ACOXL: variants seen among roughly 807,000 people sequenced by gnomAD.
The protein encoded by ACOXL is acyl-coenzyme A oxidase-like protein.
Under a neutral mutation model 71.9 loss-of-function variants are expected in ACOXL, and 70 were observed. The ratio of observed to expected loss-of-function variants is 0.97; its 90% CI spans 0.80 to 1.19. The LOEUF is 1.19. ACOXL is among the 50% of genes most tolerant of loss of function. The pLI, the probability that ACOXL is intolerant of heterozygous loss-of-function variation, is 0.00. For missense variants in ACOXL, 703 were observed against 736.3 expected (o/e 0.95, Z 0.52); for synonymous variants, 253 against 281.6 (o/e 0.90, Z 1.02).
chr2:111,097,574 AAGAT>A (rs1183889806), intron 17 of ACOXL, among the ~76,000 whole-genome samples: 1 of 152,242 alleles, frequency 6.6e-6, no homozygotes, highest in Non-Finnish European at 1.5e-5. Flanking sequence ...GTGAATGCAC[AAGAT>A]GAGCCTGGAG....
At chr2:111,059,653 C>T (rs2066708314) in intron 16 of ACOXL, among the ~76,000 whole-genome samples, 1 of 151,974 alleles carries the variant, frequency 6.6e-6, no homozygotes, top group Non-Finnish European at 1.5e-5. Context: ...AGCTAGGAAC[C>T]TCAAGACCCA....
At chr2:110,880,153 C>CAAAAAAAAAAAAA (rs56852121) in intron 10 of ACOXL, among the ~76,000 whole-genome samples, 26 of 84,692 alleles carry the variant, frequency 3.1e-4, no homozygotes, top group African/African-American at 5.4e-4. Context: ...CTGTCACAAA[C>CAAAAAAAAAAAAA]AAAAAAAAAA....
chr2:110,870,910 G>A (rs2149038835), intron 10 of ACOXL, among the ~76,000 whole-genome samples: 1 of 152,262 alleles, frequency 6.6e-6, no homozygotes. Context: ...GGTCAAAGTA[G>A]TGGGCAGAAT....
intron 14 of ACOXL, among the ~76,000 whole-genome samples, chr2:111,020,627 T>C (rs548450576): frequency 6.6e-6 from 1 of 152,234 alleles, no homozygotes; most frequent in Non-Finnish European, 1.5e-5. Flanking sequence ...ATACATTTAC[T>C]GAGACCCTCC....
chr2:110,975,316 A>G (rs1376398955), intron 12 of ACOXL, among the ~76,000 whole-genome samples: 1 of 152,204 alleles, frequency 6.6e-6, no homozygotes, highest in African/African-American at 2.4e-5. Flanking sequence ...GACTAGTACA[A>G]TAAATGTCTG....
At chr2:110,925,329 A>C (rs775500743) in intron 11 of ACOXL, among the ~76,000 whole-genome samples, 9 of 152,248 alleles carry the variant, frequency 5.9e-5, no homozygotes, top group Non-Finnish European at 8.8e-5. Flanking sequence ...TGAAAGTCCT[A>C]GATGAAACCA....
intron 16 of ACOXL, among the ~76,000 whole-genome samples, chr2:111,065,305 A>T (rs2067012419): frequency 6.6e-6 from 1 of 152,232 alleles, no homozygotes; most frequent in African/African-American, 2.4e-5. Flanking sequence ...CATAGGCAAA[A>T]TAAGAAAAAT....
At position 110,950,739 on chromosome 2, in the gene ACOXL, T is replaced by TA. The variant is rs1236880181; in HGVS notation, c.1059+17101dup. 2.0e-5 allele frequency among the ~76,000 whole-genome samples: 3 copies of TA among 148,010 alleles called. No homozygotes were observed. In the Admixed American group the frequency reaches 2.0e-4, roughly 10 times the overall value. The stretch of plus-strand genomic sequence containing the variant: ...TAGTTAAGATTATTTTGGATGCAAA[T>TA]AAAAGAGATCAATTATAAACTTTCT... On this transcript the variant is annotated intron_variant, in intron 12 of 17. Coordinates refer to ENST00000439055, the MANE Select transcript of ACOXL (RefSeq NM_001142807.4).
At chr2:110,872,381 G>T (rs2149046167) in intron 10 of ACOXL, among the ~76,000 whole-genome samples, 1 of 152,328 alleles carries the variant, frequency 6.6e-6, no homozygotes, top group South Asian at 2.1e-4. Flanking sequence ...ACCACCTTCA[G>T]TTTGTAGCGG....
At chr2:110,934,694 G>A (rs1050219056) in intron 12 of ACOXL, among the ~76,000 whole-genome samples, 4 of 152,168 alleles carry the variant, frequency 2.6e-5, no homozygotes, top group African/African-American at 9.7e-5. Flanking sequence ...GCAGAGCTGC[G>A]GGCACAGCCT....
intron 8 of ACOXL, among the ~76,000 whole-genome samples, chr2:110,801,957 A>T (rs1422314836): frequency 1.3e-5 from 2 of 152,224 alleles, no homozygotes; most frequent in Non-Finnish European, 2.9e-5. Context: ...TTCAATATAC[A>T]TCTTTCCAGA....
intron 1 of ACOXL, among the ~76,000 whole-genome samples, chr2:110,735,192 T>G (rs960133621): frequency 6.6e-6 from 1 of 152,230 alleles, no homozygotes; most frequent in East Asian, 1.9e-4. Context: ...AAGTTCATAT[T>G]GTACTATCAG....
At chr2:110,946,788 G>A (rs902503146) in intron 12 of ACOXL, among the ~76,000 whole-genome samples, 33 of 152,254 alleles carry the variant, frequency 2.2e-4, no homozygotes, top group African/African-American at 7.2e-4. Flanking sequence ...TTCTCATGGC[G>A]GTGGAAGTCA....
At chr2:110,767,185 A>G (rs186725367) in intron 1 of ACOXL, among the ~76,000 whole-genome samples, 133 of 152,304 alleles carry the variant, frequency 8.7e-4, no homozygotes, top group African/African-American at 3.2e-3. Flanking sequence ...CTACAGGCTC[A>G]GGCTGTGCGT....
intron 1 of ACOXL, among the ~76,000 whole-genome samples, chr2:110,756,497 G>T (rs1234833464): frequency 6.6e-6 from 1 of 152,130 alleles, no homozygotes; most frequent in East Asian, 1.9e-4. Flanking sequence ...TATTATCTGT[G>T]CATTAGTGGC....
intron 17 of ACOXL, chr2:111,093,939 G>C (rs145100256): frequency 1.3e-5 from 2 of 156,384 alleles, no homozygotes; most frequent in Non-Finnish European, 2.8e-5. Flanking sequence ...GGAGGTTTTC[G>C]AATGAACTTG....
At chr2:110,867,071 A>G (rs13429695) in intron 10 of ACOXL, among the ~76,000 whole-genome samples, 50,993 of 152,010 alleles carry the variant, frequency 0.34, 8,679 homozygotes, top group Middle Eastern at 0.4. Flanking sequence ...GCTTTGCTGA[A>G]TGGAGGAGGG....
At chr2:111,044,804 T>C (rs567513030) in intron 15 of ACOXL, among the ~76,000 whole-genome samples, 1 of 152,296 alleles carries the variant, frequency 6.6e-6, no homozygotes, top group African/African-American at 2.4e-5. Flanking sequence ...ATGAGGCCAT[T>C]GTAGATCATT....
chr2:111,118,033 T>C lies in ACOXL; in HGVS notation c.*217T>C, dbSNP rs60325227. On this transcript the variant is annotated 3_prime_UTR_variant, in exon 18 of 18. Transcript: ENST00000439055. ...GGTCGCCTGGTGCGCTGGATCCCTG[T>C]GCCCTTTCCCTGAAACCCAGCCTGG... 113 of 616,392 alleles carry C rather than the reference T, an allele frequency of 1.8e-4. No individual in the cohort carries two copies. The East Asian group carries it at 1.9e-3, about 10-fold the overall frequency. 38.2% of individuals were successfully genotyped at this position (616,392 alleles called of 1,614,324 possible).
Sources: gnomAD v4.1 joint callset for allele counts (sites outside exome capture counted in the v4.1 genomes callset) on GRCh38, gnomAD v4.1.1 for gene constraint, MANE v1.5 for transcripts, NCBI Gene and HGNC (gene_info 2026-07-23, HGNC 2026-07-21) for gene names.